ANKS1B: variants seen among roughly 807,000 people sequenced by gnomAD.
The protein encoded by ANKS1B is ankyrin repeat and sterile alpha motif domain-containing protein 1B.
A neutral mutation model predicts 148.3 loss-of-function variants in ANKS1B; 36 were observed. The observed-to-expected ratio is 0.24, with a 90% CI of 0.19 to 0.32. ANKS1B has a LOEUF of 0.32. Among genes scored for constraint, ANKS1B ranks in the 10% least tolerant of loss-of-function variants. The probability of loss-of-function intolerance (pLI) is 1.00; values close to 1 mark genes in which losing one functional copy is unlikely to be tolerated. For synonymous variants in ANKS1B, 542 were observed against 560.8 expected, an observed-to-expected ratio of 0.97 and a Z score of 0.47; for missense variants, 1,157 against 1,542.6, an observed-to-expected ratio of 0.75 and a Z score of 4.19.
chr12:98,757,912 A>G (rs1168732384), intron 25 of ANKS1B, among the ~76,000 whole-genome samples: 1 of 130,672 alleles, frequency 7.7e-6, no homozygotes, highest in East Asian at 2.1e-4. Flanking sequence ...AGTGAAAGAG[A>G]GCTGCATGTG....
intron 10 of ANKS1B, among the ~76,000 whole-genome samples, chr12:99,449,629 C>CT (rs780343772): frequency 5.2e-4 from 79 of 152,052 alleles, no homozygotes; most frequent in Non-Finnish European, 9.0e-4. Context: ...TATGAGTTTC[C>CT]TTTTCCATTA....
intron 1 of ANKS1B, among the ~76,000 whole-genome samples, chr12:99,888,812 G>A (rs1603438991): frequency 6.6e-6 from 1 of 152,120 alleles, no homozygotes; most frequent in Middle Eastern, 3.4e-3. Context: ...TGAAGTCCAG[G>A]TCTTAAGTAT....
chr12:98,957,744 A>G (rs2099864890), intron 17 of ANKS1B, among the ~76,000 whole-genome samples: 1 of 152,180 alleles, frequency 6.6e-6, no homozygotes, highest in East Asian at 1.9e-4. Flanking sequence ...GCTAGCTTAC[A>G]ATTTTCACTT....
chr12:99,793,110 C>A (rs2065861447), intron 4 of ANKS1B, among the ~76,000 whole-genome samples: 2 of 151,644 alleles, frequency 1.3e-5, no homozygotes, highest in Non-Finnish European at 3.0e-5. Context: ...ACACATAAAA[C>A]TAAATACCTA....
At chr12:99,710,440 G>GAT (rs1268844476) in intron 8 of ANKS1B, among the ~76,000 whole-genome samples, 5 of 152,094 alleles carry the variant, frequency 3.3e-5, no homozygotes, top group Non-Finnish European at 7.4e-5. Flanking sequence ...GGATAAAAGA[G>GAT]ATAGATTAAG....
chr12:99,178,531 T>A (rs1480297851), intron 14 of ANKS1B, among the ~76,000 whole-genome samples: 2 of 152,210 alleles, frequency 1.3e-5, no homozygotes, highest in African/African-American at 4.8e-5. Flanking sequence ...GGGGCCCTTT[T>A]TACCCTTGGG....
chr12:99,792,788 A>G lies in ANKS1B; in HGVS notation c.670-10691T>C, dbSNP rs147645993. Among the ~76,000 whole-genome samples the G allele has an allele frequency of 2.6e-4, 40 of 152,138 alleles. 1 individual carries two copies. The highest frequency in any genetic ancestry group is 9.4e-4 in the African/African-American group (39 of 41,574). On this transcript the variant is annotated intron_variant, in intron 4 of 26. Coordinates refer to ENST00000683438, the MANE Select transcript of ANKS1B (RefSeq NM_001352186.2). Reference sequence around the variant, plus strand: ...GCCTTTCCTCTAAGACCTGGAATACAACAAGAACACCCACTTTCACCACTG... The same window carrying G: ...GCCTTTCCTCTAAGACCTGGAATACGACAAGAACACCCACTTTCACCACTG...
At chr12:99,878,643 T>A (rs948128058) in intron 1 of ANKS1B, among the ~76,000 whole-genome samples, 1 of 152,210 alleles carries the variant, frequency 6.6e-6, no homozygotes. Context: ...CTATTTCCCA[T>A]CTCATTATCT....
At chr12:98,766,013 G>A (rs2098476058) in intron 25 of ANKS1B, among the ~76,000 whole-genome samples, 1 of 152,204 alleles carries the variant, frequency 6.6e-6, no homozygotes, top group African/African-American at 2.4e-5. Flanking sequence ...TAGAAGTGGG[G>A]GGTGCAACAA....
At chr12:99,955,876 C>T (rs2095315423) in intron 1 of ANKS1B, among the ~76,000 whole-genome samples, 1 of 152,044 alleles carries the variant, frequency 6.6e-6, no homozygotes, top group Non-Finnish European at 1.5e-5. Context: ...TGTAATTAGA[C>T]TAATTACAGT....
At chr12:99,689,836 AC>A (rs2098669382) in intron 8 of ANKS1B, among the ~76,000 whole-genome samples, 1 of 152,216 alleles carries the variant, frequency 6.6e-6, no homozygotes, top group Non-Finnish European at 1.5e-5. Flanking sequence ...CTGGCAGAGA[AC>A]AACTGAACTT....
chr12:99,919,779 T>TTAAA (rs371345120), intron 1 of ANKS1B, among the ~76,000 whole-genome samples: 2 of 134,492 alleles, frequency 1.5e-5, no homozygotes, highest in Non-Finnish European at 3.2e-5. Flanking sequence ...GCTGCAGAGT[T>TTAAA]AAAAAAAAAA....
At position 99,954,289 on chromosome 12, in the gene ANKS1B, T is replaced by C. The variant is rs550483292; in HGVS notation, c.134+29815A>G. Among the ~76,000 whole-genome samples the C allele has an allele frequency of 2.6e-5, 4 of 152,348 alleles. No homozygotes were observed. In the South Asian group the frequency reaches 6.2e-4, roughly 24 times the overall value. On this transcript the variant is annotated intron_variant, in intron 1 of 26. Transcript: ENST00000683438. Reference sequence around the variant, plus strand: ...TTCAATCCAGTTCTTTCAACATTTATTCCTTGCTAATTTCTGACTAATAAA... The same window carrying C: ...TTCAATCCAGTTCTTTCAACATTTACTCCTTGCTAATTTCTGACTAATAAA...
chr12:99,169,900 T>C (rs1467557871), intron 14 of ANKS1B, among the ~76,000 whole-genome samples: 6 of 152,144 alleles, frequency 3.9e-5, no homozygotes, highest in African/African-American at 1.4e-4. Flanking sequence ...GCCGCTTCTG[T>C]GTTCCAGGTG....
intron 1 of ANKS1B, among the ~76,000 whole-genome samples, chr12:99,899,086 G>T (rs1434560162): frequency 6.6e-6 from 1 of 152,180 alleles, no homozygotes; most frequent in East Asian, 1.9e-4. Flanking sequence ...GATGGTGGCA[G>T]TGATTACGTT....
At chr12:99,048,876 C>G (rs2099964131) in intron 17 of ANKS1B, 1 of 152,252 alleles carries the variant, frequency 6.6e-6, no homozygotes, top group South Asian at 2.1e-4. Context: ...AGTCCAGAAG[C>G]TTTACCTGAT....
At chr12:99,437,823 C>CAGT (rs2095485855) in intron 11 of ANKS1B, among the ~76,000 whole-genome samples, 1 of 151,916 alleles carries the variant, frequency 6.6e-6, no homozygotes, top group South Asian at 2.1e-4. Flanking sequence ...CATCCTTTAA[C>CAGT]ATGCTGTCAT....
At chr12:99,355,009 T>C (rs1404685112) in intron 12 of ANKS1B, among the ~76,000 whole-genome samples, 1 of 152,148 alleles carries the variant, frequency 6.6e-6, no homozygotes, top group Non-Finnish European at 1.5e-5. Flanking sequence ...ATGATCACTG[T>C]ATTACTATTA....
chr12:98,891,311 T>A (rs1380246525), intron 17 of ANKS1B, among the ~76,000 whole-genome samples: 1 of 152,156 alleles, frequency 6.6e-6, no homozygotes, highest in Non-Finnish European at 1.5e-5. Flanking sequence ...ACATAAAGAT[T>A]TTTAGAGAAT....
Sources: allele counts gnomAD v4.1 joint callset (sites outside exome capture counted in the v4.1 genomes callset), GRCh38; gene constraint gnomAD v4.1.1; transcripts MANE v1.5; gene names NCBI Gene and HGNC (gene_info 2026-07-23, HGNC 2026-07-21).